WDFY1: variants seen among roughly 807,000 people sequenced by gnomAD.
WDFY1 encodes WD repeat and FYVE domain-containing protein 1.
A neutral mutation model predicts 56.4 loss-of-function variants in WDFY1; 32 were observed. The observed-to-expected ratio is 0.57, with a 90% CI of 0.43 to 0.76. The LOEUF (loss-of-function observed/expected upper bound fraction) is 0.76. Among genes scored for constraint, WDFY1 ranks in the 30% least tolerant of loss-of-function variants. The pLI, the probability that WDFY1 is intolerant of heterozygous loss-of-function variation, is 0.00. For synonymous variants in WDFY1, 192 were observed against 197.3 expected (o/e 0.97, Z 0.23); for missense variants, 480 against 545.7 (o/e 0.88, Z 1.20).
intron 1 of WDFY1, among the ~76,000 whole-genome samples, chr2:223,942,154 A>C (rs59839826): frequency 0.016 from 2,434 of 152,266 alleles, 59 homozygotes; most frequent in African/African-American, 0.054. Flanking sequence ...CAGCAATCTC[A>C]AATATTTAGC....
At chr2:223,894,496 C>T in intron 7 of WDFY1, 157 bp from the exon 8 acceptor site, 1 of 673,960 alleles carries the variant, frequency 1.5e-6, no homozygotes, top group Admixed American at 2.7e-5. Context: ...ATAAACTTTA[C>T]TTGGCATTTT....
intron 1 of WDFY1, among the ~76,000 whole-genome samples, chr2:223,928,036 G>A (rs540580984): frequency 2.0e-5 from 3 of 152,164 alleles, no homozygotes; most frequent in Non-Finnish European, 4.4e-5. Context: ...TATCATTTAA[G>A]TTTGCCATCT....
Position 223,941,159 on chromosome 2 carries a change from GT to G in WDFY1, c.137+3988del, listed in dbSNP as rs1381129346. Among the ~76,000 whole-genome samples the G allele has an allele frequency of 2.0e-5, 3 of 152,004 alleles. No individual in the cohort carries two copies. The South Asian group carries it at 6.2e-4, about 32-fold the overall frequency. ...TATAGTAGAGATGGGGTTTCACCAT[GT>G]TGGCCAGGCTGTTCTTGAACTCCTA... On this transcript the variant is annotated intron_variant, in intron 1 of 11. Coordinates refer to ENST00000233055, the MANE Select transcript of WDFY1 (RefSeq NM_020830.5).
At position 223,938,393 on chromosome 2, in the gene WDFY1, G is replaced by T. The variant is rs141055992; in HGVS notation, c.137+6755C>A. On this transcript the variant is annotated intron_variant, in intron 1 of 11. Transcript: ENST00000233055. Reference sequence around the variant, plus strand: ...AGTCCACAGCAAAAAAGTCCAAAAAGCAAACATACTGGTTCCTACTGTCTC... The same window carrying T: ...AGTCCACAGCAAAAAAGTCCAAAAATCAAACATACTGGTTCCTACTGTCTC... Among the ~76,000 whole-genome samples the T allele has an allele frequency of 6.0e-3, 920 of 152,252 alleles. 2 individuals carry two copies. Among genetic ancestry groups the T allele is most frequent in the African/African-American group, 0.021 (879 of 41,536 alleles).
At chr2:223,900,259 G>C (rs928713113) in intron 5 of WDFY1, among the ~76,000 whole-genome samples, 1 of 152,114 alleles carries the variant, frequency 6.6e-6, no homozygotes, top group Non-Finnish European at 1.5e-5. Context: ...TAACAAAAAC[G>C]CTTATGTAGC....
chr2:223,943,351 C>A (rs1055410413), intron 1 of WDFY1, among the ~76,000 whole-genome samples: 7 of 152,230 alleles, frequency 4.6e-5, no homozygotes, highest in African/African-American at 1.7e-4. Context: ...ACAGGTGAAC[C>A]AGCAGGGAGA....
intron 9 of WDFY1, among the ~76,000 whole-genome samples, 174 bp downstream of exon 9, chr2:223,884,474 C>T (rs75176771): frequency 0.015 from 2,307 of 152,294 alleles, 28 homozygotes; most frequent in Non-Finnish European, 0.021. Flanking sequence ...AACAGTCTCA[C>T]TGGCCCTGGG....
chr2:223,923,473 ATT>A (rs1693924142), intron 1 of WDFY1, among the ~76,000 whole-genome samples: 1 of 152,190 alleles, frequency 6.6e-6, no homozygotes, highest in Admixed American at 6.5e-5. Flanking sequence ...GGAGCAAACT[ATT>A]TCAAAGTCTA....
chr2:223,932,770 C>T (rs1694100064), intron 1 of WDFY1, among the ~76,000 whole-genome samples: 1 of 151,764 alleles, frequency 6.6e-6, no homozygotes, highest in South Asian at 2.1e-4. Context: ...CTTAGGGATG[C>T]TGATACTATT....
chr2:223,885,968 A>G (rs1460275810), intron 8 of WDFY1, among the ~76,000 whole-genome samples: 2 of 152,216 alleles, frequency 1.3e-5, no homozygotes, highest in Non-Finnish European at 2.9e-5. Context: ...ATCTTGATCT[A>G]GCCACAGCCT....
chr2:223,945,323 C>G lies in WDFY1; in HGVS notation c.-39G>C. 6.5e-7 allele frequency: 1 copy of G among 1,535,702 alleles called. No homozygotes were observed. The highest frequency in any genetic ancestry group is 8.7e-7 in the Non-Finnish European group (1 of 1,150,298). On this transcript the variant is annotated 5_prime_UTR_variant, in exon 1 of 12. Transcript: ENST00000233055. ...CTGCTGCGGCCTCCTCGGCAGGCAG[C>G]CCATCAGCTGACGCCTGGGCGGGCG... is the stretch of plus-strand genomic sequence containing the variant.
At chr2:223,925,268 T>C (rs370685350) in intron 1 of WDFY1, among the ~76,000 whole-genome samples, 1 of 151,016 alleles carries the variant, frequency 6.6e-6, no homozygotes, top group Non-Finnish European at 1.5e-5. Flanking sequence ...CTCAGAGATA[T>C]TGCAGGTTTA....
intron 4 of WDFY1, 110 bp from the exon 5 acceptor site, chr2:223,901,443 G>C: frequency 7.7e-7 from 1 of 1,294,060 alleles, no homozygotes; most frequent in Non-Finnish European, 1.1e-6. Context: ...CTGTGTACAA[G>C]AGTGTACTGG....
intron 1 of WDFY1, among the ~76,000 whole-genome samples, chr2:223,931,306 C>T (rs1296207028): frequency 6.6e-6 from 1 of 152,070 alleles, no homozygotes; most frequent in Admixed American, 6.6e-5. Flanking sequence ...TGTTTGTTAT[C>T]CTGTCTACCA....
chr2:223,926,617 ATG>A (rs918661567), intron 1 of WDFY1, among the ~76,000 whole-genome samples: 8 of 151,290 alleles, frequency 5.3e-5, no homozygotes, highest in African/African-American at 1.9e-4. Context: ...TTACATATAT[ATG>A]TGTGTGTATT....
intron 1 of WDFY1, among the ~76,000 whole-genome samples, chr2:223,944,174 G>C (rs185186310): frequency 1.3e-5 from 2 of 152,358 alleles, no homozygotes; most frequent in African/African-American, 4.8e-5. Flanking sequence ...CTGGCGTGGC[G>C]TGAAATCCCT....
At chr2:223,918,784 G>A (rs1224280538) in intron 1 of WDFY1, among the ~76,000 whole-genome samples, 4 of 152,192 alleles carry the variant, frequency 2.6e-5, no homozygotes, top group Non-Finnish European at 1.5e-5. Flanking sequence ...GTGGGAAGAG[G>A]CTCATGGAGG....
intron 1 of WDFY1, among the ~76,000 whole-genome samples, chr2:223,927,757 G>T (rs1401240739): frequency 6.6e-6 from 1 of 152,170 alleles, no homozygotes; most frequent in African/African-American, 2.4e-5. Context: ...GCCTGTCTCA[G>T]CTTTTGATGT....
intron 3 of WDFY1, among the ~76,000 whole-genome samples, chr2:223,911,156 T>C (rs780102174): frequency 6.6e-6 from 1 of 152,310 alleles, no homozygotes; most frequent in Non-Finnish European, 1.5e-5. Context: ...GCCACACATA[T>C]TGTATGAGTC....
Sources: gnomAD v4.1 joint callset for allele counts (sites outside exome capture counted in the v4.1 genomes callset) on GRCh38, gnomAD v4.1.1 for gene constraint, MANE v1.5 for transcripts, NCBI Gene and HGNC (gene_info 2026-07-23, HGNC 2026-07-21) for gene names.